Variants in ATP7A observed in about 807,000 individuals in gnomAD.
The protein encoded by ATP7A is copper-transporting ATPase 1.
Under a neutral mutation model 83.5 loss-of-function variants are expected in ATP7A, and 7 were observed. The observed-to-expected ratio is 0.08, with a 90% CI of 0.05 to 0.16. The LOEUF (loss-of-function observed/expected upper bound fraction) is 0.16. ATP7A is among the 10% of genes least tolerant of loss of function. ATP7A has a pLI of 1.00. For synonymous variants in ATP7A, 354 were observed against 395.2 expected (o/e 0.90, Z 1.24); for missense variants, 940 against 1,120.8 (o/e 0.84, Z 2.30).
At chrX:77,993,165 C>A (rs1163189522) in intron 4 of ATP7A, among the ~76,000 whole-genome samples, 1 of 112,353 alleles carries the variant, frequency 8.9e-6, no homozygotes, top group African/African-American at 3.2e-5. Flanking sequence ...AATCATCTTA[C>A]ATCACATATG....
intron 4 of ATP7A, among the ~76,000 whole-genome samples, chrX:77,991,453 GT>G (rs200579352): frequency 0.019 from 2,088 of 111,694 alleles, 40 homozygotes; most frequent in African/African-American, 0.064. Flanking sequence ...TCACATTTTT[GT>G]TTTTTCATTC....
chrX:77,950,037 T>C (rs1174200534), intron 1 of ATP7A, among the ~76,000 whole-genome samples: 1 of 111,943 alleles, frequency 8.9e-6, no homozygotes, highest in African/African-American at 3.2e-5. Flanking sequence ...GGAAGTCTAG[T>C]GAGGACCTCT....
chrX:77,921,907 AAAAAATAAAAAT>A (rs1328628551), intron 1 of ATP7A, among the ~76,000 whole-genome samples: 1 of 110,802 alleles, frequency 9.0e-6, no homozygotes. Flanking sequence ...TTCTGCCTCA[AAAAAATAAAAAT>A]AAAAATAAAA....
rs782712316 is a variant in ATP7A at position 78,005,553 on chromosome X, C to T, written c.1707+2317C>T. 4.2e-4 allele frequency among the ~76,000 whole-genome samples: 45 copies of T among 107,304 alleles called. 1 individual carries two copies. Among genetic ancestry groups the T allele is most frequent in the African/African-American group, 1.5e-3 (43 of 29,539 alleles). 93.2% of individuals were successfully genotyped at this position (107,304 alleles called of 115,157 possible). A position where few individuals can be genotyped will look rare whatever the true frequency, so the allele number is the denominator to read the frequency against. ...AAAAAATTAGCCGGGCGTGGTGGCA[C>T]GCGCCTGTAATCCCAGATACTCGGG... On this transcript the variant is annotated intron_variant, in intron 6 of 22. Coordinates refer to ENST00000341514, the MANE Select transcript of ATP7A (RefSeq NM_000052.7).
rs1430324279 is a variant in ATP7A at position 77,919,499 on chromosome X, C to CT, written c.-22+8673dup. ...ATAATATAATATTGACTATTTTAAC[C>CT]TTTTTTTTTGAGACGAAGTCTCACT... On this transcript the variant is annotated intron_variant, in intron 1 of 22. Coordinates refer to ENST00000341514, the MANE Select transcript of ATP7A (RefSeq NM_000052.7). Among the ~76,000 whole-genome samples, 208 of 110,554 alleles carry CT rather than the reference C, an allele frequency of 1.9e-3. 1 individual carries two copies. Among genetic ancestry groups the CT allele is most frequent in the African/African-American group, 5.9e-3 (180 of 30,463 alleles).
At chrX:77,987,712 C>T (rs1339531130) in intron 2 of ATP7A, among the ~76,000 whole-genome samples, 1 of 111,146 alleles carries the variant, frequency 9.0e-6, no homozygotes, top group Non-Finnish European at 1.9e-5. Flanking sequence ...TGCCTTCACT[C>T]ATAAACCGGC....
intron 16 of ATP7A, among the ~76,000 whole-genome samples, chrX:78,032,891 T>G (rs2077991403): frequency 9.0e-6 from 1 of 111,639 alleles, no homozygotes; most frequent in Non-Finnish European, 1.9e-5. Context: ...ACTTTTCGGC[T>G]TGCTAAAGAT....
chrX:78,020,776 C>G (rs1286698273), intron 13 of ATP7A, among the ~76,000 whole-genome samples, 169 bp from the exon 14 acceptor site: 1 of 111,755 alleles, frequency 8.9e-6, no homozygotes, highest in African/African-American at 3.3e-5. Context: ...CTGCCTTAGT[C>G]TCTCAAAGTG....
chrX:78,005,733 T>G (rs1557233700), intron 6 of ATP7A, among the ~76,000 whole-genome samples: 1 of 95,731 alleles, frequency 1.0e-5, no homozygotes, highest in African/African-American at 3.9e-5. Context: ...AAAAACAATA[T>G]TGGATTTGGA....
At chrX:77,921,871 A>G (rs2077217669) in intron 1 of ATP7A, among the ~76,000 whole-genome samples, 1 of 111,579 alleles carries the variant, frequency 9.0e-6, no homozygotes, top group African/African-American at 3.3e-5. Context: ...ACGCTACTGC[A>G]CTCTAGTCTG....
chrX:77,993,931 C>A (rs2077684375), intron 4 of ATP7A, among the ~76,000 whole-genome samples: 1 of 110,456 alleles, frequency 9.1e-6, no homozygotes, highest in Non-Finnish European at 1.9e-5. Flanking sequence ...GGAGAAAAGC[C>A]ATATAAATTT....
At chrX:78,005,683 C>CAAAAAAAAAAA (rs1218646073) in intron 6 of ATP7A, among the ~76,000 whole-genome samples, 140 of 13,557 alleles carry the variant, frequency 0.01, 1 homozygote, top group African/African-American at 0.011. Flanking sequence ...AACTCCATCT[C>CAAAAAAAAAAA]AAAAAAAAAA....
Position 77,913,824 on chromosome X carries a change from G to A in ATP7A, c.-22+2989G>A, listed in dbSNP as rs146392039. Among the ~76,000 whole-genome samples, 336 of 111,477 alleles carry A rather than the reference G, an allele frequency of 3.0e-3. 2 individuals are homozygous for A. The highest frequency in any genetic ancestry group is 0.01 in the African/African-American group (319 of 30,742). ...ATGTGTACTTTGTACCATATTTTCT[G>A]TTCACATTTAAAATTATACAGCTAT... is the stretch of plus-strand genomic sequence containing the variant. On this transcript the variant is annotated intron_variant, in intron 1 of 22. Transcript: ENST00000341514.
At chrX:77,977,095 C>T (rs1304310503) in intron 2 of ATP7A, among the ~76,000 whole-genome samples, 1 of 112,097 alleles carries the variant, frequency 8.9e-6, no homozygotes, top group Non-Finnish European at 1.9e-5. Flanking sequence ...TTCCCCTAAT[C>T]ATATCTATGC....
rs2077719509 is a variant in ATP7A, at chrX:77,998,572, A to G, written c.1431A>G (p.Pro477=). Residue 477 remains proline (P), a synonymous_variant, in exon 5 of 23, where the codon CCA becomes CCG. Transcript: ENST00000341514. ...TNEFYTKGMT[P]VQDKEEGKNS... The stretch of plus-strand genomic sequence containing the variant: ...AATTTTATACTAAAGGGATGACACC[A>G]GTTCAAGACAAGGAGGAAGGAAAGA... 2 of 1,211,733 alleles carry G rather than the reference A, an allele frequency of 1.7e-6. No homozygotes were observed. Among genetic ancestry groups the G allele is most frequent in the Admixed American group, 4.3e-5 (2 of 46,044 alleles).
At chrX:77,960,756 T>A (rs1557227978) in intron 1 of ATP7A, among the ~76,000 whole-genome samples, 1 of 111,912 alleles carries the variant, frequency 8.9e-6, no homozygotes, top group Non-Finnish European at 1.9e-5. Context: ...TCAGTGTTGT[T>A]GGATGCTTTT....
Position 78,046,704 on chromosome X carries a change from T to A in ATP7A, c.*134T>A. ...TATTAGGGATTCTATTTGAGTTGCGTTTATCTGTTGGCAAAAATATCTTTT... is the reference window on the plus strand; with the variant it reads ...TATTAGGGATTCTATTTGAGTTGCGATTATCTGTTGGCAAAAATATCTTTT... On this transcript the variant is annotated 3_prime_UTR_variant, in exon 23 of 23. Coordinates refer to ENST00000341514, the MANE Select transcript of ATP7A (RefSeq NM_000052.7). The A allele has an allele frequency of 1.1e-6, 1 of 889,075 alleles. No individual in the cohort carries two copies. The highest frequency in any genetic ancestry group is 3.1e-5 in the East Asian group (1 of 32,213). 73.3% of individuals were successfully genotyped at this position (889,075 alleles called of 1,213,427 possible).
chrX:78,011,081 T>C lies in ATP7A; in HGVS notation c.1870-95T>C, dbSNP rs1603385236. On this transcript the variant is annotated intron_variant, in intron 7 of 22. Transcript: ENST00000341514. The stretch of plus-strand genomic sequence containing the variant: ...CCCAGAGTGACTTGCCCTCAGTAAT[T>C]GAACTGTTCTTAATGACAATACCAT... 6.5e-6 allele frequency: 5 copies of C among 771,228 alleles called. No individual in the cohort carries two copies. The East Asian group carries it at 1.6e-4, about 25-fold the overall frequency. 63.6% of individuals were successfully genotyped at this position (771,228 alleles called of 1,213,427 possible). A position where few individuals can be genotyped will look rare whatever the true frequency, so the allele number is the denominator to read the frequency against.
chrX:77,915,385 G>A (rs2077179949), intron 1 of ATP7A, among the ~76,000 whole-genome samples: 1 of 109,242 alleles, frequency 9.2e-6, no homozygotes, highest in Admixed American at 9.8e-5. Context: ...CTGTCTAGGT[G>A]GGATCCCAGC....
Sources: allele counts gnomAD v4.1 joint callset (sites outside exome capture counted in the v4.1 genomes callset), GRCh38; gene constraint gnomAD v4.1.1; transcripts MANE v1.5; gene names NCBI Gene and HGNC (gene_info 2026-07-23, HGNC 2026-07-21).